GNAI1: variants seen among roughly 807,000 people sequenced by gnomAD.
GNAI1 encodes G protein subunit alpha i1, also known as guanine nucleotide-binding protein G(i) subunit alpha-1.
Under a neutral mutation model 38.9 loss-of-function variants are expected in GNAI1, and 11 were observed. That is an observed-to-expected ratio of 0.28 (90% CI 0.18 to 0.47). The LOEUF is 0.47. Ranked by LOEUF, GNAI1 falls within the 20% of genes least tolerant of loss-of-function variation. The pLI is 0.99. For missense variants in GNAI1, 317 were observed against 436.9 expected, an observed-to-expected ratio of 0.73 and a Z score of 2.45; for synonymous variants, 166 against 145.1, an observed-to-expected ratio of 1.14 and a Z score of -1.04.
At chr7:80,187,588 T>TA (rs1788410765) in intron 1 of GNAI1, 1 of 152,200 alleles carries the variant, frequency 6.6e-6, no homozygotes, top group African/African-American at 2.4e-5. Flanking sequence ...CCTGGAACTG[T>TA]AAGTTGTTCA....
At chr7:80,205,197 T>C (rs1261573288) in intron 5 of GNAI1, among the ~76,000 whole-genome samples, 1 of 152,162 alleles carries the variant, frequency 6.6e-6, no homozygotes, top group African/African-American at 2.4e-5. Context: ...TATTAAAACC[T>C]ATGCATGTCC....
chr7:80,213,842 G>GTT (rs35471308), intron 7 of GNAI1, among the ~76,000 whole-genome samples: 9 of 148,156 alleles, frequency 6.1e-5, no homozygotes, highest in South Asian at 2.1e-4. Context: ...CACTCTTCCT[G>GTT]TTTTTTTTTT....
At chr7:80,181,791 T>C (rs1788298409) in intron 1 of GNAI1, among the ~76,000 whole-genome samples, 1 of 152,198 alleles carries the variant, frequency 6.6e-6, no homozygotes, top group African/African-American at 2.4e-5. Context: ...ATATTTACAG[T>C]ATACAAGCTG....
chr7:80,221,104 G>A lies in GNAI1; in HGVS notation c.*3611G>A, dbSNP rs1288084242. Among the ~76,000 whole-genome samples the A allele has an allele frequency of 6.6e-6, 1 of 152,150 alleles. No homozygotes were observed. The highest frequency in any genetic ancestry group is 1.5e-5 in the Non-Finnish European group (1 of 68,028). On this transcript the variant is annotated 3_prime_UTR_variant, in exon 8 of 8. Coordinates refer to ENST00000649796, the MANE Select transcript of GNAI1 (RefSeq NM_002069.6). ...TGGTAGCATCATCATTGCTTAGTGTGTTATGTTGGAAGTAGAAAGTGATGG... is the reference window on the plus strand; with the variant it reads ...TGGTAGCATCATCATTGCTTAGTGTATTATGTTGGAAGTAGAAAGTGATGG...
At position 80,220,742 on chromosome 7, in the gene GNAI1, A is replaced by G. The variant is rs1789058424; in HGVS notation, c.*3249A>G. 6.6e-6 allele frequency among the ~76,000 whole-genome samples: 1 copy of G among 152,224 alleles called. No homozygotes were observed. Among genetic ancestry groups the G allele is most frequent in the Non-Finnish European group, 1.5e-5 (1 of 68,026 alleles). ...TAACTAGAGATCAAAAAAGGCTTAA[A>G]GAGGTTAATTAACTTGAGCAAGACC... On this transcript the variant is annotated 3_prime_UTR_variant, in exon 8 of 8. Transcript: ENST00000649796.
rs117947259 is a variant in GNAI1, at chr7:80,147,404, C to G, written c.118+12126C>G. Among the ~76,000 whole-genome samples, 143 of 151,128 alleles carry G rather than the reference C, an allele frequency of 9.5e-4. 4 individuals are homozygous for G. The East Asian group carries it at 0.026, about 27-fold the overall frequency. On this transcript the variant is annotated intron_variant, in intron 1 of 7. Transcript: ENST00000649796. ...AAAAAAAAAAAGACACAGGAGCTCTCTTGCTTGTACCAAGAAGTGGCCATA... is the reference window on the plus strand; with the variant it reads ...AAAAAAAAAAAGACACAGGAGCTCTGTTGCTTGTACCAAGAAGTGGCCATA...
At chr7:80,206,048 G>GT (rs1788769857) in intron 5 of GNAI1, among the ~76,000 whole-genome samples, 1 of 152,060 alleles carries the variant, frequency 6.6e-6, no homozygotes, top group Non-Finnish European at 1.5e-5. Flanking sequence ...AAGTCTCACT[G>GT]TTAGAAGTAG....
intron 1 of GNAI1, among the ~76,000 whole-genome samples, chr7:80,186,374 AC>A (rs1163178957): frequency 6.6e-6 from 1 of 152,162 alleles, no homozygotes; most frequent in Non-Finnish European, 1.5e-5. Flanking sequence ...TTTTTGAACC[AC>A]AAGCCATTGA....
intron 7 of GNAI1, among the ~76,000 whole-genome samples, chr7:80,215,566 C>T (rs545629889): frequency 6.6e-6 from 1 of 152,290 alleles, no homozygotes; most frequent in South Asian, 2.1e-4. Flanking sequence ...CATTACACAA[C>T]ATTCCTATGG....
chr7:80,204,900 GT>G (rs764782741), intron 5 of GNAI1, among the ~76,000 whole-genome samples: 1 of 141,276 alleles, frequency 7.1e-6, no homozygotes, highest in Non-Finnish European at 1.5e-5. Context: ...CCACTGTAGT[GT>G]TACTTGATGT....
At chr7:80,151,356 TAATTAA>T (rs1321373455) in intron 1 of GNAI1, among the ~76,000 whole-genome samples, 1 of 151,908 alleles carries the variant, frequency 6.6e-6, no homozygotes, top group Admixed American at 6.6e-5. Context: ...TGAAAACATA[TAATTAA>T]GTAGAAAAAT....
At chr7:80,187,705 C>A (rs1788412707) in intron 1 of GNAI1, among the ~76,000 whole-genome samples, 1 of 152,024 alleles carries the variant, frequency 6.6e-6, no homozygotes, top group South Asian at 2.1e-4. Flanking sequence ...GTGTCTCAAA[C>A]AGTCATAAAT....
At chr7:80,143,531 A>G (rs559258179) in intron 1 of GNAI1, among the ~76,000 whole-genome samples, 57 of 152,256 alleles carry the variant, frequency 3.7e-4, no homozygotes, top group African/African-American at 1.4e-3. Flanking sequence ...TTCCATGTCT[A>G]AGGAATTTTT....
rs35283597 is a variant in GNAI1, at chr7:80,197,180, A to ATT, written c.304-2030_304-2029dup. ...CCTTGACCTATTTTTGTTTCTGTGG[A>ATT]TTTTTTTTTTTTTTTTGGAGACCTG... On this transcript the variant is annotated intron_variant, in intron 3 of 7. Coordinates refer to ENST00000649796, the MANE Select transcript of GNAI1 (RefSeq NM_002069.6). Among the ~76,000 whole-genome samples the ATT allele has an allele frequency of 6.1e-4, 84 of 137,424 alleles. 1 individual carries two copies. Among genetic ancestry groups the ATT allele is most frequent in the African/African-American group, 1.7e-3 (63 of 37,456 alleles). The allele number at this position is 137,424 out of a possible 152,430, so 90.2% of individuals were successfully genotyped here. A position where few individuals can be genotyped will look rare whatever the true frequency, so the allele number is the denominator to read the frequency against.
chr7:80,162,286 C>T (rs1480382474), intron 1 of GNAI1, among the ~76,000 whole-genome samples: 1 of 152,166 alleles, frequency 6.6e-6, no homozygotes, highest in Non-Finnish European at 1.5e-5. Flanking sequence ...GCCACCCAGT[C>T]TGTGATACTC....
intron 3 of GNAI1, among the ~76,000 whole-genome samples, chr7:80,193,536 T>G (rs139068274): frequency 6.6e-6 from 1 of 152,276 alleles, no homozygotes; most frequent in African/African-American, 2.4e-5. Flanking sequence ...TATTGATAAT[T>G]TAGGTGATTA....
rs1256788699 is a variant in GNAI1 at position 80,221,694 on chromosome 7, G to A, written c.*4201G>A. On this transcript the variant is annotated 3_prime_UTR_variant, in exon 8 of 8. Transcript: ENST00000649796. Reference sequence around the variant, plus strand: ...AGTCTTGCTCCTTCACCAGGCTGGAGTGCAGTCGTGCAATCTCCACTCTCT... The same window carrying A: ...AGTCTTGCTCCTTCACCAGGCTGGAATGCAGTCGTGCAATCTCCACTCTCT... Among the ~76,000 whole-genome samples the A allele has an allele frequency of 7.4e-6, 1 of 134,360 alleles. No individual in the cohort carries two copies. The highest frequency in any genetic ancestry group is 2.4e-4 in the East Asian group (1 of 4,082). 88.1% of individuals were successfully genotyped at this position (134,360 alleles called of 152,430 possible).
At chr7:80,137,567 G>A (rs1216388838) in intron 1 of GNAI1, among the ~76,000 whole-genome samples, 2 of 152,034 alleles carry the variant, frequency 1.3e-5, no homozygotes, top group South Asian at 2.1e-4. Context: ...TGATCCGCCC[G>A]CCTCAGCCTC....
At chr7:80,173,746 A>G (rs547287287) in intron 1 of GNAI1, among the ~76,000 whole-genome samples, 44 of 152,294 alleles carry the variant, frequency 2.9e-4, no homozygotes, top group African/African-American at 7.2e-4. Flanking sequence ...ATCTGGTGCT[A>G]TAACTCATAG....
Sources: allele counts gnomAD v4.1 joint callset (sites outside exome capture counted in the v4.1 genomes callset), GRCh38; gene constraint gnomAD v4.1.1; transcripts MANE v1.5; gene names NCBI Gene and HGNC (gene_info 2026-07-23, HGNC 2026-07-21).